The following NRXN3 variants were observed in gnomAD, a reference collection of about 807,000 sequenced individuals.
The protein encoded by NRXN3 is neurexin III.
NRXN3 carries 32 observed loss-of-function variants against 137.6 expected under a neutral mutation model. That is an observed-to-expected ratio of 0.23 (90% CI 0.18 to 0.31). The LOEUF is 0.31. NRXN3 is among the 10% of genes least tolerant of loss of function. The pLI, the probability that NRXN3 is intolerant of heterozygous loss-of-function variation, is 1.00. For missense variants in NRXN3, 1,574 were observed against 2,062.5 expected (o/e 0.76, Z 4.59); for synonymous variants, 798 against 784.5 (o/e 1.02, Z -0.29).
chr14:78,933,253 G>A (rs154333), intron 10 of NRXN3, among the ~76,000 whole-genome samples: 41,912 of 152,092 alleles, frequency 0.28, 8,629 homozygotes, highest in African/African-American at 0.56. Flanking sequence ...ATATTTGAAT[G>A]GAAGAATGCA....
chr14:78,418,367 C>T (rs182604465), intron 4 of NRXN3, among the ~76,000 whole-genome samples: 81 of 152,242 alleles, frequency 5.3e-4, no homozygotes, highest in African/African-American at 1.8e-3. Flanking sequence ...TCCTTTGGTA[C>T]TCTATTTCTC....
chr14:78,260,624 G>A (rs977775090), intron 2 of NRXN3, among the ~76,000 whole-genome samples: 5 of 152,188 alleles, frequency 3.3e-5, no homozygotes, highest in African/African-American at 1.2e-4. Context: ...CCATGCTATT[G>A]TCATGATAGT....
At chr14:79,834,221 C>G (rs79222176) in intron 20 of NRXN3, among the ~76,000 whole-genome samples, 2 of 152,064 alleles carry the variant, frequency 1.3e-5, no homozygotes, top group Non-Finnish European at 2.9e-5. Flanking sequence ...ATTTCTAATA[C>G]TGGGAGTTTA....
At chr14:79,062,563 C>T (rs536541886) in intron 15 of NRXN3, among the ~76,000 whole-genome samples, 8 of 152,116 alleles carry the variant, frequency 5.3e-5, no homozygotes, top group African/African-American at 1.2e-4. Context: ...GAGATCTACT[C>T]GTTAGGGATG....
chr14:78,323,510 T>A (rs1422326975), intron 4 of NRXN3, among the ~76,000 whole-genome samples: 1 of 152,062 alleles, frequency 6.6e-6, no homozygotes, highest in Non-Finnish European at 1.5e-5. Context: ...GTTTGTAAAC[T>A]GTAAAGTGTA....
chr14:78,793,631 T>A (rs906495259), intron 8 of NRXN3, among the ~76,000 whole-genome samples: 1 of 152,144 alleles, frequency 6.6e-6, no homozygotes, highest in African/African-American at 2.4e-5. Context: ...ACACATGAAG[T>A]GTTGTCAACC....
chr14:78,572,532 C>A (rs2096899287), intron 4 of NRXN3, among the ~76,000 whole-genome samples: 1 of 152,216 alleles, frequency 6.6e-6, no homozygotes, highest in African/African-American at 2.4e-5. Flanking sequence ...TCAGACCAAT[C>A]CAGAAGCACT....
chr14:78,706,199 T>C (rs900083237), intron 6 of NRXN3, among the ~76,000 whole-genome samples: 1 of 152,222 alleles, frequency 6.6e-6, no homozygotes, highest in African/African-American at 2.4e-5. Context: ...GTCACAGGCA[T>C]TTAACCCAAA....
chr14:78,873,797 C>T (rs762772138), intron 10 of NRXN3, among the ~76,000 whole-genome samples: 14 of 152,178 alleles, frequency 9.2e-5, no homozygotes, highest in Non-Finnish European at 1.6e-4. Flanking sequence ...CCTCTCTGAC[C>T]TACTGGAACA....
At chr14:78,672,118 C>CTATA in intron 6 of NRXN3, among the ~76,000 whole-genome samples, 1 of 152,204 alleles carries the variant, frequency 6.6e-6, no homozygotes, top group South Asian at 2.1e-4. Context: ...TAACAAAATG[C>CTATA]TATATCATAT....
chr14:79,778,660 G>A (rs1278300711), intron 19 of NRXN3, among the ~76,000 whole-genome samples: 2 of 152,098 alleles, frequency 1.3e-5, no homozygotes, highest in Non-Finnish European at 2.9e-5. Flanking sequence ...CAGGGGAAGA[G>A]GCTTAAAATA....
intron 8 of NRXN3, among the ~76,000 whole-genome samples, chr14:78,800,492 T>C (rs2098835434): frequency 6.6e-6 from 1 of 152,212 alleles, no homozygotes; most frequent in African/African-American, 2.4e-5. Context: ...TTAGATTGTT[T>C]CCAATCTAAG....
chr14:79,247,061 T>A (rs568686075), intron 15 of NRXN3: 58 of 152,364 alleles, frequency 3.8e-4, no homozygotes, highest in African/African-American at 1.4e-3. Flanking sequence ...TGAATTTGCA[T>A]TACCTGCTTG....
chr14:78,989,089 G>A lies in NRXN3; in HGVS notation c.3262+948G>A, dbSNP rs183049126. The stretch of plus-strand genomic sequence containing the variant: ...CTGAATAACCGTGGCAAAGAGATTT[G>A]TTGAAAATCCCTGACTCTGTGGGTC... On this transcript the variant is annotated intron_variant, in intron 15 of 20. Transcript: ENST00000335750. Among the ~76,000 whole-genome samples the A allele has an allele frequency of 3.3e-3, 504 of 152,302 alleles. 2 individuals are homozygous for A. The highest frequency in any genetic ancestry group is 6.8e-3 in the Middle Eastern group (2 of 292).
intron 4 of NRXN3, among the ~76,000 whole-genome samples, chr14:78,493,542 A>ATAAC (rs1289162395): frequency 1.4e-4 from 21 of 150,184 alleles, no homozygotes; most frequent in Admixed American, 4.0e-4. Flanking sequence ...AAATAAATAA[A>ATAAC]TAAATAAATA....
At chr14:79,435,637 CTTTG>C (rs1357454051) in intron 15 of NRXN3, among the ~76,000 whole-genome samples, 22 of 141,306 alleles carry the variant, frequency 1.6e-4, no homozygotes, top group East Asian at 4.0e-4. Flanking sequence ...CACATACATT[CTTTG>C]TTTGTTTGTT....
intron 1 of NRXN3, among the ~76,000 whole-genome samples, chr14:78,181,736 A>G (rs1165380026): frequency 3.9e-5 from 6 of 152,170 alleles, no homozygotes; most frequent in Non-Finnish European, 7.4e-5. Flanking sequence ...GATTGGTGAA[A>G]CAGCTACTTT....
At chr14:78,827,443 G>A (rs1567434820) in intron 10 of NRXN3, among the ~76,000 whole-genome samples, 1 of 152,176 alleles carries the variant, frequency 6.6e-6, no homozygotes, top group East Asian at 1.9e-4. Flanking sequence ...AGAATAGATG[G>A]TGGGAAAACT....
chr14:78,496,961 T>C (rs537838394), intron 4 of NRXN3, among the ~76,000 whole-genome samples: 1 of 152,134 alleles, frequency 6.6e-6, no homozygotes, highest in African/African-American at 2.4e-5. Flanking sequence ...TTAACTTGAG[T>C]CTTAAGATGC....
Sources: gnomAD v4.1 joint callset for allele counts (sites outside exome capture counted in the v4.1 genomes callset) on GRCh38, gnomAD v4.1.1 for gene constraint, MANE v1.5 for transcripts, NCBI Gene and HGNC (gene_info 2026-07-23, HGNC 2026-07-21) for gene names.